Variants in PRKCI observed in about 807,000 individuals in gnomAD.
PRKCI encodes protein kinase C iota, also known as protein kinase C iota type.
Under a neutral mutation model 84.0 loss-of-function variants are expected in PRKCI, and 43 were observed. The observed-to-expected ratio is 0.51, with a 90% CI of 0.40 to 0.66. PRKCI has a LOEUF of 0.66. Among genes scored for constraint, PRKCI ranks in the 30% least tolerant of loss-of-function variants. The pLI is 0.00. For missense variants in PRKCI, 459 were observed against 745.6 expected (o/e 0.62, Z 4.48); for synonymous variants, 216 against 234.4 (o/e 0.92, Z 0.72).
intron 8 of PRKCI, among the ~76,000 whole-genome samples, chr3:170,276,612 C>A (rs949496470): frequency 5.9e-5 from 9 of 151,942 alleles, no homozygotes; most frequent in Non-Finnish European, 8.8e-5. Flanking sequence ...CCACTGGACC[C>A]TCATCACAAT....
intron 8 of PRKCI, among the ~76,000 whole-genome samples, chr3:170,275,931 ATT>A (rs1481588646): frequency 2.8e-5 from 4 of 142,082 alleles, no homozygotes; most frequent in Non-Finnish European, 4.5e-5. Flanking sequence ...TTCCCGTATC[ATT>A]CTTTTTTTTT....
intron 2 of PRKCI, among the ~76,000 whole-genome samples, chr3:170,255,374 C>T (rs1733561016): frequency 6.6e-6 from 1 of 152,052 alleles, no homozygotes; most frequent in Non-Finnish European, 1.5e-5. Context: ...TCTTTCACTT[C>T]TTTTGTGATA....
intron 16 of PRKCI, among the ~76,000 whole-genome samples, chr3:170,298,105 T>C: frequency 6.6e-6 from 1 of 151,730 alleles, no homozygotes; most frequent in East Asian, 2.0e-4. Flanking sequence ...ACTCTTGACC[T>C]CAAGTGATCC....
At chr3:170,301,330 G>C (rs1185398156) in intron 17 of PRKCI, among the ~76,000 whole-genome samples, 1 of 152,178 alleles carries the variant, frequency 6.6e-6, no homozygotes, top group Non-Finnish European at 1.5e-5. Flanking sequence ...ACCTCATAAG[G>C]TTGCTGTGAA....
rs890949418 is a variant in PRKCI, at chr3:170,303,844, A to G, written c.*717A>G. The G allele has an allele frequency of 1.1e-5, 2 of 176,744 alleles. No individual in the cohort carries two copies. The highest frequency in any genetic ancestry group is 4.7e-5 in the African/African-American group (2 of 42,230). The allele number at this position is 176,744 out of a possible 1,614,324, so 10.9% of individuals were successfully genotyped here. A position where few individuals can be genotyped will look rare whatever the true frequency, so the allele number is the denominator to read the frequency against. On this transcript the variant is annotated 3_prime_UTR_variant, in exon 18 of 18. Coordinates refer to ENST00000295797, the MANE Select transcript of PRKCI (RefSeq NM_002740.6). ...AAATCCTGTCTCTACTAAAAATACAAAAATTAGCTGGGCATGGTGGCACAT... is the reference window on the plus strand; with the variant it reads ...AAATCCTGTCTCTACTAAAAATACAGAAATTAGCTGGGCATGGTGGCACAT...
chr3:170,284,422 A>G (rs753812037), intron 11 of PRKCI, 39 bp from the exon 12 acceptor site: 2 of 1,473,510 alleles, frequency 1.4e-6, no homozygotes, highest in Non-Finnish European at 1.9e-6. Context: ...GAACTTAAAT[A>G]TGGTTGAATC....
rs901887208 is a variant in PRKCI, at chr3:170,281,277, A to T, written c.980+14A>T. 6.2e-7 allele frequency: 1 copy of T among 1,604,680 alleles called. No homozygotes were observed. The highest frequency in any genetic ancestry group is 2.2e-5 in the East Asian group (1 of 44,816). On this transcript the variant is annotated intron_variant, in intron 10 of 17. Transcript: ENST00000295797. The stretch of plus-strand genomic sequence containing the variant: ...GACAGAAAGCAGGTAAGATTGAAAG[A>T]TAGTAGAATGATTACTGGGCTTCAT...
intron 2 of PRKCI, among the ~76,000 whole-genome samples, chr3:170,253,229 G>C (rs1171159585): frequency 6.6e-6 from 1 of 152,218 alleles, no homozygotes; most frequent in East Asian, 1.9e-4. Context: ...TGGATCATAT[G>C]GTAGGTGTGT....
chr3:170,278,423 G>C (rs1312444906), intron 8 of PRKCI, among the ~76,000 whole-genome samples: 2 of 152,112 alleles, frequency 1.3e-5, no homozygotes, highest in Admixed American at 1.3e-4. Flanking sequence ...ACTTTAGACC[G>C]GGAGGATCAT....
chr3:170,283,774 G>T (rs1204400787), intron 11 of PRKCI, among the ~76,000 whole-genome samples: 1 of 152,178 alleles, frequency 6.6e-6, no homozygotes, highest in Non-Finnish European at 1.5e-5. Context: ...AAGTAGCTAG[G>T]AGGTGTATGT....
At position 170,262,886 on chromosome 3, in the gene PRKCI, T is replaced by C. The variant is rs531444058; in HGVS notation, c.314-493T>C. 4.0e-5 allele frequency among the ~76,000 whole-genome samples: 6 copies of C among 151,548 alleles called. 1 individual carries two copies. The highest frequency in any genetic ancestry group is 4.2e-4 in the South Asian group (2 of 4,798). On this transcript the variant is annotated intron_variant, in intron 3 of 17. Transcript: ENST00000295797. ...AAGCAAGGCAAATAAAACCTTCTTTTGTGGCCGGGCGCGGTGACTCACGCC... is the reference window on the plus strand; with the variant it reads ...AAGCAAGGCAAATAAAACCTTCTTTCGTGGCCGGGCGCGGTGACTCACGCC...
At chr3:170,240,996 G>C (rs1167488190) in intron 2 of PRKCI, among the ~76,000 whole-genome samples, 1 of 152,160 alleles carries the variant, frequency 6.6e-6, no homozygotes, top group South Asian at 2.1e-4. Flanking sequence ...GTGGGACAGG[G>C]AATGACAAAT....
Position 170,224,988 on chromosome 3 carries a change from A to G in PRKCI, c.101+2218A>G, listed in dbSNP as rs189008423. On this transcript the variant is annotated intron_variant, in intron 1 of 17. Coordinates refer to ENST00000295797, the MANE Select transcript of PRKCI (RefSeq NM_002740.6). ...TTGTAAACTCCTTTGAGAAGAAATCAAAGTCTTGCTGTACTTCATGAATTT... is the reference window on the plus strand; with the variant it reads ...TTGTAAACTCCTTTGAGAAGAAATCGAAGTCTTGCTGTACTTCATGAATTT... Among the ~76,000 whole-genome samples, 563 of 152,364 alleles carry G rather than the reference A, an allele frequency of 3.7e-3. 2 individuals carry two copies. Among genetic ancestry groups the G allele is most frequent in the African/African-American group, 0.013 (543 of 41,590 alleles).
chr3:170,270,601 G>A, intron 6 of PRKCI, 40 bp downstream of exon 6: 2 of 1,465,660 alleles, frequency 1.4e-6, no homozygotes, highest in South Asian at 2.4e-5. Context: ...TTTTTTAAGA[G>A]CGTGCTTGAT....
intron 7 of PRKCI, among the ~76,000 whole-genome samples, chr3:170,273,978 A>G (rs1734056956): frequency 1.3e-5 from 2 of 152,098 alleles, no homozygotes; most frequent in Admixed American, 6.6e-5. Context: ...TTTAAAAAAA[A>G]AAAAAGTATG....
chr3:170,256,891 A>G (rs1733595497), intron 2 of PRKCI, among the ~76,000 whole-genome samples: 1 of 152,022 alleles, frequency 6.6e-6, no homozygotes, highest in Admixed American at 6.6e-5. Flanking sequence ...ATTTTTTTCA[A>G]GAAATTTTTC....
intron 3 of PRKCI, among the ~76,000 whole-genome samples, chr3:170,261,807 T>G (rs2108849404): frequency 6.6e-6 from 1 of 152,230 alleles, no homozygotes; most frequent in East Asian, 1.9e-4. Flanking sequence ...CCTCCAGAAT[T>G]TGACATAGTG....
chr3:170,246,637 C>G (rs1365739379), intron 2 of PRKCI, among the ~76,000 whole-genome samples: 3 of 151,908 alleles, frequency 2.0e-5, no homozygotes, highest in Non-Finnish European at 4.4e-5. Flanking sequence ...ACTAGTGTAC[C>G]CTTTAAAAAT....
rs1734896118 is a variant in PRKCI, at chr3:170,304,121, C to G, written c.*994C>G. 1 of 152,154 alleles carries G rather than the reference C, an allele frequency of 6.6e-6. No homozygotes were observed. The highest frequency in any genetic ancestry group is 2.4e-5 in the African/African-American group (1 of 41,416). 9.4% of individuals were successfully genotyped at this position (152,154 alleles called of 1,614,324 possible). ...TTTTAAGTATATTAACAGGGTAGCT[C>G]CTGAGCCTTTCCCTTTATTGGAAAC... is the stretch of plus-strand genomic sequence containing the variant. On this transcript the variant is annotated 3_prime_UTR_variant, in exon 18 of 18. Transcript: ENST00000295797.
Sources: gnomAD v4.1 joint callset for allele counts (sites outside exome capture counted in the v4.1 genomes callset) on GRCh38, gnomAD v4.1.1 for gene constraint, MANE v1.5 for transcripts, NCBI Gene and HGNC (gene_info 2026-07-23, HGNC 2026-07-21) for gene names.